ATP2A2: variants seen among roughly 807,000 people sequenced by gnomAD.
ATP2A2 encodes the protein sarcoplasmic/endoplasmic reticulum calcium ATPase 2.
A neutral mutation model predicts 109.3 loss-of-function variants in ATP2A2; 14 were observed. The ratio of observed to expected loss-of-function variants is 0.13; its 90% confidence interval spans 0.08 to 0.20. The LOEUF is 0.20. ATP2A2 is among the 10% of genes least tolerant of loss of function. ATP2A2 has a pLI of 1.00. For synonymous variants in ATP2A2, 506 were observed against 490.9 expected, an observed-to-expected ratio of 1.03 and a Z score of -0.41; for missense variants, 657 against 1,321.6, an observed-to-expected ratio of 0.50 and a Z score of 7.80.
chr12:110,348,833 T>C lies in ATP2A2; in HGVS notation c.*2363T>C. On this transcript the variant is annotated 3_prime_UTR_variant, in exon 20 of 20. Transcript: ENST00000539276. ...GTAAATTTTGCCAGTTTGAGCATCA[T>C]GAGGTGTAACAAGAAATGGGTTGAA... 2.0e-6 allele frequency: 2 copies of C among 985,142 alleles called. No individual in the cohort carries two copies. The highest frequency in any genetic ancestry group is 2.4e-6 in the Non-Finnish European group (2 of 829,666). The allele number at this position is 985,142 out of a possible 1,614,324, so 61.0% of individuals were successfully genotyped here.
At chr12:110,291,377 T>C (rs1312877693) in intron 3 of ATP2A2, among the ~76,000 whole-genome samples, 1 of 151,618 alleles carries the variant, frequency 6.6e-6, no homozygotes, top group Non-Finnish European at 1.5e-5. Context: ...GTAATTTTTT[T>C]GTATTTTTAG....
chr12:110,293,248 G>A (rs1225355837), intron 4 of ATP2A2, among the ~76,000 whole-genome samples: 1 of 150,374 alleles, frequency 6.7e-6, no homozygotes, highest in African/African-American at 2.4e-5. Flanking sequence ...GCTAATTTTT[G>A]TATTTTTAGT....
rs1197435608 is a variant in ATP2A2 at position 110,346,881 on chromosome 12, A to C, written c.*411A>C. The C allele has an allele frequency of 9.1e-6, 10 of 1,095,724 alleles. No individual in the cohort carries two copies. The allele number at this position is 1,095,724 out of a possible 1,614,324, so 67.9% of individuals were successfully genotyped here. On this transcript the variant is annotated 3_prime_UTR_variant, in exon 20 of 20. Coordinates refer to ENST00000539276, the MANE Select transcript of ATP2A2 (RefSeq NM_170665.4). ...AAATAGCATGTATTGTGTCTTTTGC[A>C]TGATGATCCGGATTTAATTTGATAT...
chr12:110,332,316 G>C (rs1878413171), intron 8 of ATP2A2: 1 of 434,812 alleles, frequency 2.3e-6, no homozygotes, highest in African/African-American at 2.0e-5. Context: ...TTGTGTCTTT[G>C]GTGCCACTGC....
intron 1 of ATP2A2, 45 bp from the exon 2 acceptor site, chr12:110,282,559 A>T: frequency 1.2e-6 from 2 of 1,601,636 alleles, no homozygotes; most frequent in Admixed American, 1.7e-5. Flanking sequence ...TTTTTTTTTA[A>T]CCTCCCTCTT....
At chr12:110,302,692 C>G (rs1170879862) in intron 5 of ATP2A2, among the ~76,000 whole-genome samples, 1 of 151,848 alleles carries the variant, frequency 6.6e-6, no homozygotes, top group Non-Finnish European at 1.5e-5. Flanking sequence ...CTCTGCCTGC[C>G]TGTTCAAGTG....
chr12:110,314,496 C>G (rs1876450160), intron 5 of ATP2A2, among the ~76,000 whole-genome samples: 1 of 152,062 alleles, frequency 6.6e-6, no homozygotes, highest in South Asian at 2.1e-4. Context: ...CCCTGTAACA[C>G]CGTAAAAGGA....
At chr12:110,302,584 CTAT>C (rs10568177) in intron 5 of ATP2A2, among the ~76,000 whole-genome samples, 26,227 of 146,402 alleles carry the variant, frequency 0.18, 3,051 homozygotes, top group African/African-American at 0.34. Flanking sequence ...ATTTTTATTA[CTAT>C]TATTATTATT....
rs527918473 is a variant in ATP2A2 at position 110,342,864 on chromosome 12, G to A, written c.2319-368G>A. ...TCCACCTCCTGGGTTCAAGCCTCCCGAACAGCTGGGATTACAGGCATGCGC... is the reference window on the plus strand; with the variant it reads ...TCCACCTCCTGGGTTCAAGCCTCCCAAACAGCTGGGATTACAGGCATGCGC... On this transcript the variant is annotated intron_variant, in intron 15 of 19. Transcript: ENST00000539276. This position sits in a 1 kb window ranked among gnomAD's most constrained non-coding sequence, Gnocchi z 4.6. Among the ~76,000 whole-genome samples, 44 of 152,108 alleles carry A rather than the reference G, an allele frequency of 2.9e-4. No individual in the cohort carries two copies. Among genetic ancestry groups the A allele is most frequent in the African/African-American group, 8.2e-4 (34 of 41,476 alleles).
At position 110,333,164 on chromosome 12, in the gene ATP2A2, G is replaced by A. The variant is rs766410721; in HGVS notation, c.1185-17G>A. 10 of 1,601,908 alleles carry A rather than the reference G, an allele frequency of 6.2e-6. No homozygotes were observed. The East Asian group carries it at 2.2e-4, about 36-fold the overall frequency. Reference sequence around the variant, plus strand: ...GGCGACCATACCCTGCTCTAAGAGTGTTTTCTCTTTGGGCAGGCATAAAGA... The same window carrying A: ...GGCGACCATACCCTGCTCTAAGAGTATTTTCTCTTTGGGCAGGCATAAAGA... On this transcript the variant is annotated splice_polypyrimidine_tract_variant and intron_variant, in intron 9 of 19. Transcript: ENST00000539276.
At chr12:110,301,472 C>A (rs922305063) in intron 5 of ATP2A2, among the ~76,000 whole-genome samples, 2 of 152,108 alleles carry the variant, frequency 1.3e-5, no homozygotes, top group African/African-American at 2.4e-5. Context: ...TTTTTTCCCC[C>A]CTCTTATCCT....
chr12:110,305,705 G>T (rs1407937478), intron 5 of ATP2A2, among the ~76,000 whole-genome samples: 1 of 152,074 alleles, frequency 6.6e-6, no homozygotes, highest in African/African-American at 2.4e-5. Context: ...ATAATTTTGG[G>T]CATTCTGGGT....
At chr12:110,291,261 T>C (rs1289710818) in intron 3 of ATP2A2, among the ~76,000 whole-genome samples, 2 of 152,028 alleles carry the variant, frequency 1.3e-5, no homozygotes, top group African/African-American at 2.4e-5. Context: ...TGGAGTGCAG[T>C]GGCACGATCT....
intron 3 of ATP2A2, among the ~76,000 whole-genome samples, chr12:110,287,023 T>G (rs1326367762): frequency 1.3e-5 from 2 of 151,836 alleles, no homozygotes; most frequent in Non-Finnish European, 2.9e-5. Flanking sequence ...GAGGCCGAGG[T>G]GGGTGGATCA....
Position 110,342,973 on chromosome 12 carries a change from C to A in ATP2A2, c.2319-259C>A, listed in dbSNP as rs561334575. On this transcript the variant is annotated intron_variant, in intron 15 of 19. Coordinates refer to ENST00000539276, the MANE Select transcript of ATP2A2 (RefSeq NM_170665.4). The surrounding 1 kb of genome is among the most constrained non-coding windows in gnomAD (Gnocchi z 4.6). ...AGGCTGGTCTCTTAACTGCTGAGCT[C>A]AGCCAGTCTGCCCACCTTGGCTTCC... is the stretch of plus-strand genomic sequence containing the variant. 1.3e-5 allele frequency among the ~76,000 whole-genome samples: 2 copies of A among 152,266 alleles called. No individual in the cohort carries two copies. Among genetic ancestry groups the A allele is most frequent in the East Asian group, 3.9e-4 (2 of 5,178 alleles).
chr12:110,285,667 T>G (rs998571337), intron 3 of ATP2A2, among the ~76,000 whole-genome samples: 2 of 152,196 alleles, frequency 1.3e-5, no homozygotes, highest in Non-Finnish European at 2.9e-5. Context: ...CGAAAAGATC[T>G]GAAGGAGGTG....
intron 4 of ATP2A2, chr12:110,295,929 T>C (rs1873914861): frequency 6.5e-6 from 1 of 152,712 alleles, no homozygotes; most frequent in Non-Finnish European, 1.5e-5. Flanking sequence ...CCAAACACAA[T>C]CTAAGCATGT....
Position 110,295,800 on chromosome 12 carries a change from A to G in ATP2A2, c.325-799A>G, listed in dbSNP as rs1421904766. 2.0e-5 allele frequency among the ~76,000 whole-genome samples: 3 copies of G among 152,214 alleles called. 1 individual carries two copies. The highest frequency in any genetic ancestry group is 4.1e-4 in the South Asian group (2 of 4,830). On this transcript the variant is annotated intron_variant, in intron 4 of 19. Transcript: ENST00000539276. ...TCATATATGATGTCATGAGAAATAT[A>G]TAGCTTGGGACTGGCAGTGCTATGA...
chr12:110,311,591 A>G (rs1460011158), intron 5 of ATP2A2, among the ~76,000 whole-genome samples: 5 of 100,316 alleles, frequency 5.0e-5, no homozygotes, highest in Non-Finnish European at 7.8e-5. Flanking sequence ...GCGAGACTCC[A>G]TCTCAAAAAA....
Sources: gnomAD v4.1 joint callset for allele counts (sites outside exome capture counted in the v4.1 genomes callset) on GRCh38, gnomAD v4.1.1 for gene constraint, Gnocchi (gnomAD v3.1) non-coding constraint, MANE v1.5 for transcripts, NCBI Gene and HGNC (gene_info 2026-07-23, HGNC 2026-07-21) for gene names.